Variants in LDLRAD4 observed in about 807,000 individuals in gnomAD.
LDLRAD4 encodes the protein low density lipoprotein receptor class A domain containing 4.
A neutral mutation model predicts 17.0 loss-of-function variants in LDLRAD4; 5 were observed. That is an observed-to-expected ratio of 0.29 (90% CI 0.15 to 0.62). The LOEUF (loss-of-function observed/expected upper bound fraction) is 0.62, where lower values mean the gene tolerates loss of function less well. Ranked by LOEUF, LDLRAD4 falls within the 20% of genes least tolerant of loss-of-function variation. The pLI is 0.84. For missense variants in LDLRAD4, 340 were observed against 424.7 expected (o/e 0.80, Z 1.75); for synonymous variants, 168 against 171.8 (o/e 0.98, Z 0.17).
intron 1 of LDLRAD4, among the ~76,000 whole-genome samples, chr18:13,298,009 T>A (rs2046366037): frequency 6.6e-6 from 1 of 152,202 alleles, no homozygotes; most frequent in Non-Finnish European, 1.5e-5. Flanking sequence ...AGGCAGAGCC[T>A]GGGTAAGACA....
At chr18:13,319,163 T>C (rs2143174745) in intron 1 of LDLRAD4, among the ~76,000 whole-genome samples, 1 of 152,374 alleles carries the variant, frequency 6.6e-6, no homozygotes, top group East Asian at 1.9e-4. Flanking sequence ...TTAACTTAGC[T>C]GCTGCTCCTC....
At chr18:13,464,721 T>TC (rs2092557192) in intron 3 of LDLRAD4, among the ~76,000 whole-genome samples, 1 of 151,430 alleles carries the variant, frequency 6.6e-6, no homozygotes, top group East Asian at 1.9e-4. Context: ...GCCTGACTTT[T>TC]TTTTTTTTTT....
intron 1 of LDLRAD4, among the ~76,000 whole-genome samples, chr18:13,333,739 T>C (rs1036580523): frequency 1.3e-5 from 2 of 152,218 alleles, no homozygotes; most frequent in African/African-American, 2.4e-5. Flanking sequence ...CTTTCTGGAA[T>C]TTCTATTATG....
intron 3 of LDLRAD4, among the ~76,000 whole-genome samples, chr18:13,459,622 A>G (rs138740302): frequency 0.14 from 21,822 of 152,080 alleles, 1,783 homozygotes; most frequent in African/African-American, 0.22. Flanking sequence ...GCCTCAGGTA[A>G]TCTGCCCACC....
intron 1 of LDLRAD4, chr18:13,235,211 A>C (rs906122330): frequency 2.6e-5 from 4 of 152,034 alleles, no homozygotes; most frequent in Non-Finnish European, 4.4e-5. Flanking sequence ...AGATTGCGCC[A>C]TTGCACTCCA....
At chr18:13,337,907 G>A (rs2082182669) in intron 1 of LDLRAD4, among the ~76,000 whole-genome samples, 1 of 152,166 alleles carries the variant, frequency 6.6e-6, no homozygotes, top group South Asian at 2.1e-4. Flanking sequence ...GGTTTCTTCA[G>A]TGTTGGAGAT....
At chr18:13,233,564 A>C (rs1040499644) in intron 1 of LDLRAD4, among the ~76,000 whole-genome samples, 11 of 151,956 alleles carry the variant, frequency 7.2e-5, no homozygotes, top group African/African-American at 2.4e-4. Flanking sequence ...GATGTCTTTG[A>C]GTATTTGTTC....
intron 3 of LDLRAD4, among the ~76,000 whole-genome samples, chr18:13,450,599 C>G (rs749942347): frequency 6.6e-6 from 1 of 152,170 alleles, no homozygotes; most frequent in African/African-American, 2.4e-5. Context: ...GCTGCAGGGG[C>G]TAGGTGACAT....
chr18:13,448,861 G>A (rs1368393427), intron 3 of LDLRAD4, among the ~76,000 whole-genome samples: 3 of 152,180 alleles, frequency 2.0e-5, no homozygotes, highest in South Asian at 2.1e-4. Context: ...GAGATACGTC[G>A]TGGACTGCAG....
chr18:13,642,988 T>C (rs954626457), intron 4 of LDLRAD4, among the ~76,000 whole-genome samples: 4 of 150,942 alleles, frequency 2.7e-5, no homozygotes, highest in Non-Finnish European at 4.4e-5. Context: ...CAGGCTGGAG[T>C]GCAGTGGCAA....
chr18:13,395,040 G>T (rs2086547314), intron 2 of LDLRAD4, among the ~76,000 whole-genome samples: 1 of 152,124 alleles, frequency 6.6e-6, no homozygotes, highest in Non-Finnish European at 1.5e-5. Context: ...AGAGGCTGGG[G>T]AAGGCATTGC....
chr18:13,386,321 G>A (rs914383513), intron 1 of LDLRAD4, among the ~76,000 whole-genome samples: 1 of 151,968 alleles, frequency 6.6e-6, no homozygotes, highest in Non-Finnish European at 1.5e-5. Context: ...ATGTTTAATG[G>A]AACATTAAAA....
intron 1 of LDLRAD4, among the ~76,000 whole-genome samples, chr18:13,299,105 C>A (rs60418393): frequency 6.6e-6 from 1 of 152,042 alleles, no homozygotes; most frequent in South Asian, 2.1e-4. Context: ...CTATAAATTC[C>A]TGCCCAGTTA....
intron 1 of LDLRAD4, among the ~76,000 whole-genome samples, chr18:13,264,899 A>G (rs2044129331): frequency 6.6e-6 from 1 of 152,222 alleles, no homozygotes; most frequent in African/African-American, 2.4e-5. Flanking sequence ...ACTGGCCTAT[A>G]AACAGACTCC....
At chr18:13,387,703 A>G in exon 2 of LDLRAD4, 11 of 1,613,506 alleles carry the variant, frequency 6.8e-6, no homozygotes, top group Non-Finnish European at 9.3e-6. Flanking sequence ...GTTGGAGCAC[A>G]GGCTTGTCCG....
intron 1 of LDLRAD4, among the ~76,000 whole-genome samples, chr18:13,308,164 T>G (rs1462479202): frequency 1.3e-5 from 2 of 152,180 alleles, no homozygotes; most frequent in African/African-American, 4.8e-5. Flanking sequence ...TCAATGTGCC[T>G]TACAGATCCT....
Position 13,287,142 on chromosome 18 carries a change from A to G in LDLRAD4, c.-383+8954A>G, listed in dbSNP as rs150521312. On this transcript the variant is annotated intron_variant, in intron 1 of 5. Coordinates refer to ENST00000359446, the Ensembl canonical transcript of LDLRAD4. ...ACTTGGTGTCACCCGCAACAGCACA[A>G]TCCCCACCAGGACGTAGAGGAAATA... Among the ~76,000 whole-genome samples the G allele has an allele frequency of 4.4e-3, 668 of 152,280 alleles. 2 individuals carry two copies. Among genetic ancestry groups the G allele is most frequent in the African/African-American group, 0.015 (637 of 41,546 alleles).
chr18:13,630,790 A>G (rs2041595217), intron 4 of LDLRAD4, among the ~76,000 whole-genome samples: 1 of 152,228 alleles, frequency 6.6e-6, no homozygotes, highest in African/African-American at 2.4e-5. Context: ...CTATAATGCA[A>G]TTAAGGCAGA....
upstream of LDLRAD4, among the ~76,000 whole-genome samples, chr18:13,275,008 G>A (rs911102565): frequency 4.0e-5 from 6 of 151,226 alleles, no homozygotes; most frequent in African/African-American, 1.2e-4. Flanking sequence ...CCTCTGCACT[G>A]TAGTCTGGAT....
Sources: allele counts gnomAD v4.1 joint callset (sites outside exome capture counted in the v4.1 genomes callset), GRCh38; gene constraint gnomAD v4.1.1; transcripts MANE v1.5; gene names NCBI Gene and HGNC (gene_info 2026-07-23, HGNC 2026-07-21).